SLC9A9: variants seen among roughly 807,000 people sequenced by gnomAD.
SLC9A9 encodes sodium/hydrogen exchanger 9.
Under a neutral mutation model 77.8 loss-of-function variants are expected in SLC9A9, and 62 were observed. The observed-to-expected ratio is 0.80, with a 90% CI of 0.65 to 0.98. The LOEUF (loss-of-function observed/expected upper bound fraction) is 0.98, where lower values mean the gene tolerates loss of function less well. Ranked by LOEUF, SLC9A9 falls within the 50% of genes least tolerant of loss-of-function variation. SLC9A9 has a pLI of 0.00. For missense variants in SLC9A9, 775 were observed against 774.9 expected (o/e 1.00, Z 0.00); for synonymous variants, 320 against 283.5 (o/e 1.13, Z -1.29).
At chr3:143,398,149 A>G (rs1559898225) in intron 12 of SLC9A9, among the ~76,000 whole-genome samples, 1 of 152,184 alleles carries the variant, frequency 6.6e-6, no homozygotes, top group Non-Finnish European at 1.5e-5. Context: ...TCATAGGGAA[A>G]GATGGTTTCT....
At chr3:143,473,563 T>C (rs1689165272) in intron 11 of SLC9A9, among the ~76,000 whole-genome samples, 1 of 152,224 alleles carries the variant, frequency 6.6e-6, no homozygotes, top group Admixed American at 6.5e-5. Flanking sequence ...ACGATCTTTC[T>C]TCCCTCATCC....
At chr3:143,703,571 C>G (rs1179702926) in intron 4 of SLC9A9, among the ~76,000 whole-genome samples, 1 of 151,794 alleles carries the variant, frequency 6.6e-6, no homozygotes, top group Non-Finnish European at 1.5e-5. Context: ...AAAAGCAGTA[C>G]TAAGCAGGAA....
intron 9 of SLC9A9, among the ~76,000 whole-genome samples, chr3:143,531,748 AAAAAC>A (rs1429825297): frequency 6.6e-6 from 1 of 152,246 alleles, no homozygotes; most frequent in African/African-American, 2.4e-5. Context: ...TTAAAAAGCT[AAAAAC>A]AAAACAATAA....
At chr3:143,710,807 T>C (rs553832860) in intron 4 of SLC9A9, among the ~76,000 whole-genome samples, 21 of 152,324 alleles carry the variant, frequency 1.4e-4, no homozygotes, top group Middle Eastern at 3.4e-3. Flanking sequence ...AAATTTTCCA[T>C]CCCTTTTCAT....
chr3:143,333,567 C>T (rs1366385539), intron 14 of SLC9A9, among the ~76,000 whole-genome samples: 1 of 152,154 alleles, frequency 6.6e-6, no homozygotes, highest in African/African-American at 2.4e-5. Context: ...TGCTTCCTGA[C>T]CTGGGGGATA....
chr3:143,558,574 G>A (rs983188608), intron 8 of SLC9A9, among the ~76,000 whole-genome samples: 4 of 152,260 alleles, frequency 2.6e-5, no homozygotes, highest in Middle Eastern at 3.4e-3. Context: ...GAACTTTAAG[G>A]TTTAATGACT....
chr3:143,359,262 T>C (rs2032674114), intron 14 of SLC9A9, among the ~76,000 whole-genome samples: 1 of 152,178 alleles, frequency 6.6e-6, no homozygotes, highest in South Asian at 2.1e-4. Flanking sequence ...CATTGTTCTA[T>C]GCCCTGAGGA....
At chr3:143,720,819 G>A (rs895556735) in intron 4 of SLC9A9, among the ~76,000 whole-genome samples, 1 of 143,016 alleles carries the variant, frequency 7.0e-6, no homozygotes, top group South Asian at 2.1e-4. Context: ...GCTTTTCTGG[G>A]TCCAGCCCAT....
At chr3:143,484,448 A>C (rs2033928) in intron 11 of SLC9A9, among the ~76,000 whole-genome samples, 9 of 152,240 alleles carry the variant, frequency 5.9e-5, no homozygotes, top group Non-Finnish European at 1.2e-4. Flanking sequence ...GAATTCATGC[A>C]GAAAATCAAA....
At chr3:143,781,389 A>C (rs192481677) in intron 4 of SLC9A9, among the ~76,000 whole-genome samples, 440 of 152,094 alleles carry the variant, frequency 2.9e-3, no homozygotes, top group African/African-American at 0.01. Context: ...AAATGAACTC[A>C]ACGCATGTAA....
chr3:143,789,178 A>C (rs766671153), intron 4 of SLC9A9, among the ~76,000 whole-genome samples: 3 of 152,220 alleles, frequency 2.0e-5, no homozygotes, highest in Non-Finnish European at 2.9e-5. Context: ...ATTACCTCAC[A>C]GTACATGGTA....
At chr3:143,315,530 T>C (rs2031183027) in intron 14 of SLC9A9, among the ~76,000 whole-genome samples, 1 of 152,232 alleles carries the variant, frequency 6.6e-6, no homozygotes, top group Admixed American at 6.5e-5. Flanking sequence ...AGTCCGTAGC[T>C]GGTCCTAGCC....
chr3:143,318,191 G>A (rs561030560), intron 14 of SLC9A9, among the ~76,000 whole-genome samples: 56 of 152,264 alleles, frequency 3.7e-4, no homozygotes, highest in African/African-American at 1.2e-3. Flanking sequence ...ACCTCAGGTT[G>A]TTTCACCATT....
chr3:143,445,454 G>T (rs974368453), intron 12 of SLC9A9, among the ~76,000 whole-genome samples: 1 of 152,108 alleles, frequency 6.6e-6, no homozygotes. Flanking sequence ...AGAAGCTCTT[G>T]GAAACTTTGG....
chr3:143,342,484 C>T (rs897826088), intron 14 of SLC9A9, among the ~76,000 whole-genome samples: 1 of 152,184 alleles, frequency 6.6e-6, no homozygotes, highest in Admixed American at 6.5e-5. Flanking sequence ...CATGAGGTCA[C>T]TTATAAACCT....
At chr3:143,356,201 T>C (rs574645848) in intron 14 of SLC9A9, among the ~76,000 whole-genome samples, 1 of 152,304 alleles carries the variant, frequency 6.6e-6, no homozygotes, top group South Asian at 2.1e-4. Context: ...CTACAGAATA[T>C]TGCAGTGTAT....
chr3:143,451,654 TC>T (rs1327822829), intron 12 of SLC9A9, among the ~76,000 whole-genome samples: 1 of 152,036 alleles, frequency 6.6e-6, no homozygotes, highest in Admixed American at 6.6e-5. Flanking sequence ...AAGGGGAAGT[TC>T]CCCCTGCTTA....
At chr3:143,548,392 G>C (rs778161753) in intron 9 of SLC9A9, among the ~76,000 whole-genome samples, 2 of 152,028 alleles carry the variant, frequency 1.3e-5, no homozygotes, top group African/African-American at 2.4e-5. Context: ...TAGTCTTCTG[G>C]ATGGCCCTGG....
intron 6 of SLC9A9, among the ~76,000 whole-genome samples, chr3:143,603,005 T>C (rs2037867606): frequency 6.6e-6 from 1 of 152,256 alleles, no homozygotes; most frequent in Admixed American, 6.5e-5. Context: ...TCTTAAATTC[T>C]TGAACACATT....
Sources: gnomAD v4.1 joint callset for allele counts (sites outside exome capture counted in the v4.1 genomes callset) on GRCh38, gnomAD v4.1.1 for gene constraint, MANE v1.5 for transcripts, NCBI Gene and HGNC (gene_info 2026-07-23, HGNC 2026-07-21) for gene names.